RGS6: variants seen among roughly 807,000 people sequenced by gnomAD.
The protein encoded by RGS6 is regulator of G-protein signaling 6.
In RGS6, 30 loss-of-function variants were observed where a neutral mutation model predicts 78.5. The observed-to-expected ratio is 0.38, with a 90% CI of 0.29 to 0.52. The LOEUF is 0.52. Ranked by LOEUF, RGS6 falls within the 20% of genes least tolerant of loss-of-function variation. The probability of loss-of-function intolerance (pLI) is 0.85; values close to 1 mark genes in which losing one functional copy is unlikely to be tolerated. For missense variants in RGS6, 495 were observed against 609.7 expected, an observed-to-expected ratio of 0.81 and a Z score of 1.98; for synonymous variants, 206 against 206.0, an observed-to-expected ratio of 1.00 and a Z score of 0.00.
intron 2 of RGS6, among the ~76,000 whole-genome samples, chr14:72,272,613 A>G (rs970594501): frequency 6.6e-6 from 1 of 152,182 alleles, no homozygotes; most frequent in African/African-American, 2.4e-5. Context: ...TGTGTAATAT[A>G]CAGCTCGGTG....
At chr14:72,218,424 G>A (rs182797552) in intron 2 of RGS6, among the ~76,000 whole-genome samples, 5 of 149,392 alleles carry the variant, frequency 3.3e-5, no homozygotes, top group East Asian at 2.0e-4. Flanking sequence ...TGTTGTATCA[G>A]TATATTAATA....
At chr14:72,025,577 T>C (rs909245941) in intron 2 of RGS6, among the ~76,000 whole-genome samples, 1 of 152,052 alleles carries the variant, frequency 6.6e-6, no homozygotes, top group African/African-American at 2.4e-5. Context: ...TTAGAGTCTT[T>C]TATTTCAGAC....
downstream of RGS6, among the ~76,000 whole-genome samples, chr14:72,567,115 C>A (rs919788774): frequency 1.3e-5 from 2 of 152,202 alleles, no homozygotes; most frequent in African/African-American, 4.8e-5. Flanking sequence ...CACCTAGCTG[C>A]ATACTTCAGT....
At chr14:71,872,075 GGCAGCCACCCA>G in the RGS6 span, among the ~76,000 whole-genome samples, 1 of 152,086 alleles carries the variant, frequency 6.6e-6, no homozygotes, top group Non-Finnish European at 1.5e-5. Context: ...GCATGCTGTG[GGCAGCCACCCA>G]GCAGGACTCT....
At chr14:71,898,575 G>C in the RGS6 span, among the ~76,000 whole-genome samples, 1 of 152,116 alleles carries the variant, frequency 6.6e-6, no homozygotes, top group Non-Finnish European at 1.5e-5. Context: ...AGGTATACAT[G>C]TGCTATGGTG....
chr14:71,967,977 A>G (rs1213150092), intron 2 of RGS6, among the ~76,000 whole-genome samples: 2 of 152,162 alleles, frequency 1.3e-5, no homozygotes, highest in East Asian at 3.8e-4. Flanking sequence ...TGACTTATTT[A>G]TTGACTTGAA....
intron 2 of RGS6, among the ~76,000 whole-genome samples, chr14:72,005,037 T>C (rs1282266925): frequency 6.6e-6 from 1 of 152,156 alleles, no homozygotes; most frequent in African/African-American, 2.4e-5. Context: ...CAGAAGAGTA[T>C]GTAAAAATGT....
intron 2 of RGS6, among the ~76,000 whole-genome samples, chr14:72,305,461 G>A (rs1306480098): frequency 1.3e-5 from 2 of 152,178 alleles, no homozygotes; most frequent in African/African-American, 4.8e-5. Flanking sequence ...TTTCCCAAAA[G>A]CATGTGTTTA....
chr14:72,436,336 A>G (rs750995948), intron 3 of RGS6, among the ~76,000 whole-genome samples: 53 of 152,276 alleles, frequency 3.5e-4, no homozygotes, highest in Middle Eastern at 3.4e-3. Flanking sequence ...TCTCTTCTTA[A>G]TAAACTGCAA....
At chr14:72,334,578 G>A (rs966863579) in intron 2 of RGS6, among the ~76,000 whole-genome samples, 1 of 152,198 alleles carries the variant, frequency 6.6e-6, no homozygotes, top group Non-Finnish European at 1.5e-5. Context: ...AGAATTCAGG[G>A]AGATGAGGGA....
At chr14:72,020,708 A>G (rs551253680) in intron 2 of RGS6, among the ~76,000 whole-genome samples, 1 of 152,340 alleles carries the variant, frequency 6.6e-6, no homozygotes, top group Non-Finnish European at 1.5e-5. Context: ...AATAACAATA[A>G]CTAATGTTTA....
At chr14:72,153,273 C>A (rs138638625) in intron 2 of RGS6, among the ~76,000 whole-genome samples, 2 of 152,300 alleles carry the variant, frequency 1.3e-5, no homozygotes, top group East Asian at 3.9e-4. Context: ...GGTTACGGGG[C>A]TGCTCAGCCT....
intron 2 of RGS6, among the ~76,000 whole-genome samples, chr14:72,096,271 A>T (rs1470373835): frequency 1.4e-5 from 2 of 147,754 alleles, no homozygotes; most frequent in East Asian, 3.9e-4. Context: ...ACAGAGTGAG[A>T]CTCTGTCTTA....
chr14:71,995,546 G>A (rs73293246), intron 2 of RGS6, among the ~76,000 whole-genome samples: 37,500 of 152,058 alleles, frequency 0.25, 4,740 homozygotes, highest in Admixed American at 0.25. Flanking sequence ...AAGTTTCCTT[G>A]ATCTCCCTGT....
At chr14:72,187,255 G>A (rs1438325013) in intron 2 of RGS6, among the ~76,000 whole-genome samples, 1 of 152,226 alleles carries the variant, frequency 6.6e-6, no homozygotes, top group Non-Finnish European at 1.5e-5. Context: ...TCTTGAATAA[G>A]TTGAGAAAGC....
chr14:72,455,155 G>T (rs929043016), intron 4 of RGS6, among the ~76,000 whole-genome samples: 3 of 151,878 alleles, frequency 2.0e-5, no homozygotes, highest in African/African-American at 7.3e-5. Context: ...TAGGAAATGG[G>T]GGGGGTGTTC....
chr14:72,194,506 G>A (rs1468522756), intron 2 of RGS6, among the ~76,000 whole-genome samples: 1 of 152,066 alleles, frequency 6.6e-6, no homozygotes, highest in African/African-American at 2.4e-5. Context: ...CACGTAGCTG[G>A]AACTACAGGT....
downstream of RGS6, among the ~76,000 whole-genome samples, chr14:72,569,638 C>G (rs2097718003): frequency 7.0e-6 from 1 of 142,264 alleles, no homozygotes; most frequent in Non-Finnish European, 1.5e-5. Context: ...TGAGATCACA[C>G]AGTTGCTGGC....
intron 2 of RGS6, among the ~76,000 whole-genome samples, chr14:72,220,482 A>G (rs1481269418): frequency 2.6e-5 from 4 of 152,228 alleles, no homozygotes; most frequent in South Asian, 4.1e-4. Context: ...GGGGTTAGCT[A>G]TTTAACATAG....
Sources: gnomAD v4.1 joint callset for allele counts (sites outside exome capture counted in the v4.1 genomes callset) on GRCh38, gnomAD v4.1.1 for gene constraint, MANE v1.5 for transcripts, NCBI Gene and HGNC (gene_info 2026-07-23, HGNC 2026-07-21) for gene names.